Variants in UVSSA observed in about 807,000 individuals in gnomAD.
UVSSA encodes the protein UV-stimulated scaffold protein A.
A neutral mutation model predicts 73.9 loss-of-function variants in UVSSA; 72 were observed. The observed-to-expected ratio is 0.97, with a 90% CI of 0.81 to 1.19. The LOEUF (loss-of-function observed/expected upper bound fraction) is 1.19. Among genes scored for constraint, UVSSA ranks in the 50% most tolerant of loss-of-function variants. The probability of loss-of-function intolerance (pLI) is 0.00; values close to 1 mark genes in which losing one functional copy is unlikely to be tolerated. For missense variants in UVSSA, 1,150 were observed against 965.0 expected, an observed-to-expected ratio of 1.19 and a Z score of -2.54; for synonymous variants, 454 against 391.3, an observed-to-expected ratio of 1.16 and a Z score of -1.89.
chr4:1,371,623 G>A (rs1470721418), intron 8 of UVSSA, among the ~76,000 whole-genome samples: 1 of 152,170 alleles, frequency 6.6e-6, no homozygotes, highest in Non-Finnish European at 1.5e-5. Context: ...AGGCAAGAAG[G>A]AGCAAGTCAC....
intron 9 of UVSSA, 79 bp from the exon 10 acceptor site, chr4:1,375,955 G>T: frequency 6.5e-7 from 1 of 1,539,956 alleles, no homozygotes; most frequent in East Asian, 2.4e-5. Context: ...CAGCCTTGCT[G>T]TGGGGGTGGG....
rs1251706351 is a variant in UVSSA, at chr4:1,376,039, C to G, written c.1439C>G (p.Ser480Cys). The G allele has an allele frequency of 1.3e-6, 2 of 1,594,932 alleles. No individual in the cohort carries two copies. Among genetic ancestry groups the G allele is most frequent in the African/African-American group, 1.3e-5 (1 of 74,414 alleles). ...GTCCCACTCTGCTCCTGTAGCCCCT[C>G]CAGAGCGTTGCCAGAGCCACAGGAG... ...HLPPPSSASPSRALPEPQEAQ... is the reference protein window; with the variant it reads ...HLPPPSSASPCRALPEPQEAQ... Residue 480 changes from serine to cysteine, a missense_variant, in exon 10 of 14, where the codon TCC (serine) becomes TGC (cysteine). Coordinates refer to ENST00000389851, the MANE Select transcript of UVSSA (RefSeq NM_020894.4).
chr4:1,353,126 C>T lies in UVSSA; in HGVS notation c.647C>T (p.Ser216Phe), dbSNP rs749520493. 1 of 1,613,080 alleles carries T rather than the reference C, an allele frequency of 6.2e-7. No homozygotes were observed. Among genetic ancestry groups the T allele is most frequent in the Non-Finnish European group, 8.5e-7 (1 of 1,180,020 alleles). ...FDFDPNPETE[S>F]LGMASGMSDA... ...TTTGACCCGAACCCGGAGACGGAAT[C>T]CCTTGGCATGGCTTCTGGCATGTCC... The change falls in exon 5 of 14, where the codon TCC becomes TTC. Residue 216 changes from serine to phenylalanine, a missense_variant. By Grantham distance (155) the Ser-to-Phe change is radical. Transcript: ENST00000389851.
At position 1,386,303 on chromosome 4, in the gene UVSSA, TTCAGAGCGTG is replaced by T. The variant is rs1720110534; in HGVS notation, c.*343_*352del. On this transcript the variant is annotated 3_prime_UTR_variant, in exon 14 of 14. Transcript: ENST00000389851. ...GACGGAATGTGTGTGCAGCTCAGCC[TTCAGAGCGTG>T]CATTCCCCAGCCAGGAGGCGACCAC... 2 of 225,950 alleles carry T rather than the reference TTCAGAGCGTG, an allele frequency of 8.9e-6. No individual in the cohort carries two copies. The highest frequency in any genetic ancestry group is 1.8e-5 in the Non-Finnish European group (2 of 111,986). The allele number at this position is 225,950 out of a possible 1,614,324, so 14.0% of individuals were successfully genotyped here.
At chr4:1,395,687 A>C (rs759944860) in exon 14 of UVSSA, 8 of 1,611,838 alleles carry the variant, frequency 5.0e-6, no homozygotes, top group Non-Finnish European at 6.8e-6. Flanking sequence ...GCCCATGTGG[A>C]GTGCCCGCCT....
chr4:1,361,608 C>A (rs893361494), intron 7 of UVSSA, among the ~76,000 whole-genome samples: 2 of 152,358 alleles, frequency 1.3e-5, no homozygotes, highest in East Asian at 3.9e-4. Context: ...CTCCGCCCTC[C>A]GTCCTCTCAA....
At chr4:1,355,046 G>C in intron 6 of UVSSA, 71 bp from the exon 7 acceptor site, 2 of 1,585,704 alleles carry the variant, frequency 1.3e-6, no homozygotes, top group Non-Finnish European at 1.7e-6. Context: ...CCTGGCATGT[G>C]CCTCCCAGCA....
Position 1,386,302 on chromosome 4 carries a change from C to T in UVSSA, c.*341C>T, listed in dbSNP as rs767465875. On this transcript the variant is annotated 3_prime_UTR_variant, in exon 14 of 14. Coordinates refer to ENST00000389851, the MANE Select transcript of UVSSA (RefSeq NM_020894.4). ...GGACGGAATGTGTGTGCAGCTCAGC[C>T]TTCAGAGCGTGCATTCCCCAGCCAG... 2.2e-5 allele frequency: 5 copies of T among 228,616 alleles called. No homozygotes were observed. Among genetic ancestry groups the T allele is most frequent in the Non-Finnish European group, 4.4e-5 (5 of 113,644 alleles). The allele number at this position is 228,616 out of a possible 1,614,324, so 14.2% of individuals were successfully genotyped here.
At chr4:1,389,163 T>C (rs1270065600), downstream of UVSSA, 1 of 152,172 alleles carries the variant, frequency 6.6e-6, no homozygotes, top group African/African-American at 2.4e-5. Context: ...GGTTCTTTGT[T>C]GCAATCTGTT....
exon 14 of UVSSA, chr4:1,395,937 A>C (rs956268654): frequency 1.3e-6 from 2 of 1,541,134 alleles, no homozygotes; most frequent in Non-Finnish European, 1.7e-6. Flanking sequence ...TGCTTTTCGT[A>C]TCAGACCTTT....
At chr4:1,374,387 CAGGGTCGGGGTGA>C (rs1225776536) in intron 8 of UVSSA, among the ~76,000 whole-genome samples, 1 of 152,254 alleles carries the variant, frequency 6.6e-6, no homozygotes, top group Non-Finnish European at 1.5e-5. Context: ...GAGGCGCCGT[CAGGGTCGGGGTGA>C]GCCCCACGGA....
chr4:1,351,168 C>G (rs1714668601), intron 3 of UVSSA, among the ~76,000 whole-genome samples: 2 of 150,994 alleles, frequency 1.3e-5, no homozygotes, highest in Admixed American at 6.6e-5. Flanking sequence ...CGGGTTCACG[C>G]CATTCTCCTG....
At chr4:1,367,826 G>T (rs61165235) in intron 8 of UVSSA, among the ~76,000 whole-genome samples, 1 of 151,372 alleles carries the variant, frequency 6.6e-6, no homozygotes, top group African/African-American at 2.4e-5. Flanking sequence ...CCCCAGCTGT[G>T]CCCTCATCGG....
At chr4:1,376,251 T>A in intron 10 of UVSSA, 83 bp downstream of exon 10, 1 of 1,467,308 alleles carries the variant, frequency 6.8e-7, no homozygotes, top group Non-Finnish European at 9.1e-7. Flanking sequence ...TCACCAGGCC[T>A]CCCTGGGTCT....
rs772245294 is a variant in UVSSA, at chr4:1,383,859, A to C, written c.1955A>C (p.Lys652Thr). 7 of 1,613,486 alleles carry C rather than the reference A, an allele frequency of 4.3e-6. No individual in the cohort carries two copies. In the East Asian group the frequency reaches 1.6e-4, roughly 36 times the overall value. The change falls in exon 13 of 14, where the codon AAG becomes ACG. Residue 652 changes from lysine (K) to threonine (T), a missense_variant. By Grantham distance (78) the Lys-to-Thr change is moderately conservative (BLOSUM62 -1). Coordinates refer to ENST00000389851, the MANE Select transcript of UVSSA (RefSeq NM_020894.4). Reference sequence around the variant, plus strand: ...TACAGCGGGAAAGGCAGGGGGAAGAAGAGGAGGTACCCCAGCCTCACCAAC... The same window carrying C: ...TACAGCGGGAAAGGCAGGGGGAAGACGAGGAGGTACCCCAGCCTCACCAAC... ...SRYSGKGRGK[K>T]RRYPSLTNLK... is the part of the protein sequence containing the mutation.
intron 7 of UVSSA, among the ~76,000 whole-genome samples, chr4:1,363,899 A>T (rs777086411): frequency 3.2e-4 from 49 of 152,386 alleles, no homozygotes; most frequent in Middle Eastern, 6.8e-3. Context: ...CAGCAGTGGG[A>T]TGCTCCTAAA....
intron 2 of UVSSA, 70 bp downstream of exon 2, chr4:1,348,259 C>T (rs1197112996): frequency 8.3e-6 from 10 of 1,207,416 alleles, no homozygotes; most frequent in Non-Finnish European, 1.2e-5. Context: ...GGGCCCTGCC[C>T]TCCTGCCCCC....
At chr4:1,384,169 T>C in intron 13 of UVSSA, 1 of 558,206 alleles carries the variant, frequency 1.8e-6, no homozygotes, top group African/African-American at 1.9e-5. Flanking sequence ...TTCCCCAGGA[T>C]AAGAGGGGCT....
chr4:1,362,534 A>C (rs1716792210), intron 7 of UVSSA, among the ~76,000 whole-genome samples: 1 of 152,162 alleles, frequency 6.6e-6, no homozygotes. Flanking sequence ...ACCTAACCTC[A>C]TTTTGTAGAC....
Sources: allele counts gnomAD v4.1 joint callset (sites outside exome capture counted in the v4.1 genomes callset), GRCh38; gene constraint gnomAD v4.1.1; transcripts MANE v1.5; gene names NCBI Gene and HGNC (gene_info 2026-07-23, HGNC 2026-07-21).